Variants in EYA4 observed in about 807,000 individuals in gnomAD.
The protein encoded by EYA4 is protein phosphatase EYA4.
EYA4 carries 31 observed loss-of-function variants against 87.9 expected under a neutral mutation model. The ratio of observed to expected loss-of-function variants is 0.35; its 90% CI spans 0.27 to 0.48. The LOEUF is 0.48. Among genes scored for constraint, EYA4 ranks in the 20% least tolerant of loss-of-function variants. The probability of loss-of-function intolerance (pLI) is 0.99; values close to 1 mark genes in which losing one functional copy is unlikely to be tolerated. For synonymous variants in EYA4, 263 were observed against 270.6 expected, an observed-to-expected ratio of 0.97 and a Z score of 0.28; for missense variants, 678 against 761.4, an observed-to-expected ratio of 0.89 and a Z score of 1.29.
chr6:133,385,391 C>CTCTGTG (rs1167048788), intron 3 of EYA4, among the ~76,000 whole-genome samples: 1 of 115,336 alleles, frequency 8.7e-6, no homozygotes, highest in Non-Finnish European at 1.8e-5. Flanking sequence ...TATGCTCTCT[C>CTCTGTG]TGTGTGTGTG....
chr6:133,337,704 C>A (rs1782478906), intron 2 of EYA4, among the ~76,000 whole-genome samples: 1 of 152,130 alleles, frequency 6.6e-6, no homozygotes, highest in Admixed American at 6.6e-5. Flanking sequence ...AGTTTCAAGA[C>A]AAATAATAAA....
chr6:133,353,810 G>C (rs1783813348), intron 2 of EYA4, among the ~76,000 whole-genome samples: 1 of 152,120 alleles, frequency 6.6e-6, no homozygotes, highest in Admixed American at 6.5e-5. Flanking sequence ...TACTTATCTT[G>C]AGTAGTTTTA....
chr6:133,332,711 A>AT (rs71003634), intron 2 of EYA4, among the ~76,000 whole-genome samples: 12,699 of 123,662 alleles, frequency 0.1, 656 homozygotes, highest in Admixed American at 0.17. Context: ...GCCCAGCTAA[A>AT]TTTTTTTTTT....
intron 13 of EYA4, among the ~76,000 whole-genome samples, chr6:133,486,402 G>A (rs1796687696): frequency 3.3e-5 from 5 of 152,104 alleles, no homozygotes; most frequent in Admixed American, 2.0e-4. Context: ...CAGAGATGAC[G>A]TTGGGTAGCT....
chr6:133,513,143 A>G, intron 16 of EYA4, 105 bp downstream of exon 16: 1 of 1,231,974 alleles, frequency 8.1e-7, no homozygotes, highest in Non-Finnish European at 1.2e-6. Flanking sequence ...AACAAGCAAA[A>G]GCTCATATTA....
rs147732806 is a variant in EYA4 at position 133,248,544 on chromosome 6, G to T, written c.-66+6795G>T. On this transcript the variant is annotated intron_variant, in intron 1 of 19. Transcript: ENST00000355286. ...GACTTTGAACTCCCTAATGTTAAAA[G>T]ATTTGAAAAGAACCGAATGTTCTGA... 6.0e-4 allele frequency: 92 copies of T among 152,264 alleles called. 1 individual carries two copies. The East Asian group carries it at 0.012, about 19-fold the overall frequency. The allele number at this position is 152,264 out of a possible 1,614,324, so 9.4% of individuals were successfully genotyped here. A position where few individuals can be genotyped will look rare whatever the true frequency, so the allele number is the denominator to read the frequency against.
chr6:133,367,241 G>A (rs1784919915), intron 2 of EYA4, among the ~76,000 whole-genome samples: 1 of 152,082 alleles, frequency 6.6e-6, no homozygotes, highest in African/African-American at 2.4e-5. Flanking sequence ...TGTGATTCTT[G>A]CTGCCTACTT....
At chr6:133,518,238 T>C (rs1425931154) in intron 17 of EYA4, among the ~76,000 whole-genome samples, 2 of 151,680 alleles carry the variant, frequency 1.3e-5, no homozygotes, top group African/African-American at 2.4e-5. Flanking sequence ...ATATATACTA[T>C]ATAATATATA....
At chr6:133,271,440 G>A (rs1210974978) in intron 1 of EYA4, among the ~76,000 whole-genome samples, 1 of 152,184 alleles carries the variant, frequency 6.6e-6, no homozygotes, top group Admixed American at 6.5e-5. Flanking sequence ...AAGGCATTCC[G>A]TGAGTCCGTG....
At chr6:133,327,217 G>A (rs1013872244) in intron 2 of EYA4, among the ~76,000 whole-genome samples, 15 of 151,684 alleles carry the variant, frequency 9.9e-5, no homozygotes, top group African/African-American at 2.2e-4. Context: ...AGCTCACTGC[G>A]ACCTCTCCCT....
intron 13 of EYA4, among the ~76,000 whole-genome samples, chr6:133,492,863 A>T (rs1404447738): frequency 1.3e-5 from 2 of 152,216 alleles, no homozygotes; most frequent in African/African-American, 4.8e-5. Flanking sequence ...TAATAGCTAC[A>T]TATAAAATAA....
intron 3 of EYA4, among the ~76,000 whole-genome samples, chr6:133,412,693 T>C (rs767705575): frequency 6.6e-6 from 1 of 152,218 alleles, no homozygotes; most frequent in Non-Finnish European, 1.5e-5. Flanking sequence ...ACATGGTCTC[T>C]GAATGATCTT....
intron 13 of EYA4, among the ~76,000 whole-genome samples, chr6:133,503,135 TA>T (rs899891351): frequency 6.6e-6 from 1 of 152,054 alleles, no homozygotes; most frequent in African/African-American, 2.4e-5. Context: ...TTGCTTTTTT[TA>T]AAAAAAATTA....
chr6:133,485,772 T>C (rs959360208), intron 13 of EYA4, among the ~76,000 whole-genome samples: 7 of 152,206 alleles, frequency 4.6e-5, no homozygotes, highest in African/African-American at 1.7e-4. Flanking sequence ...AAATAGAATA[T>C]GGCAGACAGT....
intron 7 of EYA4, among the ~76,000 whole-genome samples, chr6:133,461,835 G>T (rs1794415906): frequency 7.2e-6 from 1 of 139,212 alleles, no homozygotes; most frequent in Non-Finnish European, 1.5e-5. Context: ...TTTTAAGGAA[G>T]CTTCCTACCT....
intron 5 of EYA4, among the ~76,000 whole-genome samples, chr6:133,450,506 C>A (rs759077110): frequency 5.3e-5 from 8 of 151,966 alleles, no homozygotes; most frequent in African/African-American, 1.9e-4. Context: ...CAAAAAGATT[C>A]TTTATTTATT....
At chr6:133,329,400 T>C (rs559960618) in intron 2 of EYA4, among the ~76,000 whole-genome samples, 15 of 152,208 alleles carry the variant, frequency 9.9e-5, no homozygotes, top group African/African-American at 3.6e-4. Flanking sequence ...TAACCTCTCA[T>C]GAAAGAGATG....
chr6:133,410,594 A>C (rs1488904164), intron 3 of EYA4, among the ~76,000 whole-genome samples: 2 of 92,222 alleles, frequency 2.2e-5, no homozygotes, highest in Non-Finnish European at 6.6e-5. Context: ...CTAACCAAAA[A>C]AAAAAAAACT....
chr6:133,342,606 A>ATATATATATATATATATAT (rs1554230276), intron 2 of EYA4, among the ~76,000 whole-genome samples: 2 of 53,984 alleles, frequency 3.7e-5, no homozygotes, highest in African/African-American at 1.9e-4. Flanking sequence ...TATATATATA[A>ATATATATATATATATATAT]TTCTTTATAT....
Sources: allele counts gnomAD v4.1 joint callset (sites outside exome capture counted in the v4.1 genomes callset), GRCh38; gene constraint gnomAD v4.1.1; transcripts MANE v1.5; gene names NCBI Gene and HGNC (gene_info 2026-07-23, HGNC 2026-07-21).